The following MARK2 variants were observed in gnomAD, a reference collection of about 807,000 sequenced individuals.
The protein encoded by MARK2 is serine/threonine-protein kinase MARK2.
Under a neutral mutation model 89.8 loss-of-function variants are expected in MARK2, and 16 were observed. That is an observed-to-expected ratio of 0.18 (90% CI 0.12 to 0.27). The LOEUF is 0.27. Ranked by LOEUF, MARK2 falls within the 10% of genes least tolerant of loss-of-function variation. The pLI, the probability that MARK2 is intolerant of heterozygous loss-of-function variation, is 1.00. For missense variants in MARK2, 621 were observed against 1,049.9 expected, an observed-to-expected ratio of 0.59 and a Z score of 5.65; for synonymous variants, 382 against 399.5, an observed-to-expected ratio of 0.96 and a Z score of 0.52.
intron 1 of MARK2, among the ~76,000 whole-genome samples, chr11:63,876,964 A>G (rs574901844): frequency 2.8e-4 from 42 of 152,156 alleles, no homozygotes; most frequent in African/African-American, 9.9e-4. Context: ...CAGAAGTTAG[A>G]AAGCTCAAAG....
chr11:63,909,989 A>T lies in MARK2; in HGVS notation c.*752A>T, dbSNP rs971914079. ...CCCAGAGCTGGGCATTTCCTTCCAC[A>T]AGCTGCTGTGGGGACGTGTGTTCCC... is the stretch of plus-strand genomic sequence containing the variant. On this transcript the variant is annotated 3_prime_UTR_variant, in exon 19 of 19. Transcript: ENST00000402010. The T allele has an allele frequency of 6.6e-6, 1 of 152,262 alleles. No individual in the cohort carries two copies. The highest frequency in any genetic ancestry group is 2.4e-5 in the African/African-American group (1 of 41,386). The allele number at this position is 152,262 out of a possible 1,614,324, so 9.4% of individuals were successfully genotyped here. A position where few individuals can be genotyped will look rare whatever the true frequency, so the allele number is the denominator to read the frequency against.
At position 63,856,768 on chromosome 11, in the gene MARK2, GTTTTTTTTTTT is replaced by G. The variant is rs71039681; in HGVS notation, c.54+17235_54+17245del. On this transcript the variant is annotated intron_variant, in intron 1 of 18. Coordinates refer to ENST00000402010, the MANE Select transcript of MARK2 (RefSeq NM_001039469.3). ...TTTTTTCCATTTTTAAATTTTTCAT[GTTTTTTTTTTT>G]TTTTTTTTTTTTTTTTTTTTTTTTT... Among the ~76,000 whole-genome samples, 145 of 53,804 alleles carry G rather than the reference GTTTTTTTTTTT, an allele frequency of 2.7e-3. 2 individuals carry two copies. The highest frequency in any genetic ancestry group is 9.9e-3 in the African/African-American group (135 of 13,644). 35.3% of individuals were successfully genotyped at this position (53,804 alleles called of 152,430 possible). A position where few individuals can be genotyped will look rare whatever the true frequency, so the allele number is the denominator to read the frequency against.
chr11:63,898,576 C>G, intron 4 of MARK2, 32 bp from the exon 5 acceptor site: 1 of 1,576,956 alleles, frequency 6.3e-7, no homozygotes, highest in East Asian at 2.2e-5. Flanking sequence ...CCTGTTGCTT[C>G]TTGACTTAAG....
intron 1 of MARK2, among the ~76,000 whole-genome samples, chr11:63,871,225 TGA>T (rs1484923293): frequency 6.6e-6 from 1 of 152,224 alleles, no homozygotes; most frequent in Admixed American, 6.5e-5. Context: ...CCTTTTGAGA[TGA>T]GTGTTGGTGC....
At chr11:63,901,473 CTTTTTTTTTTT>C (rs35231498) in intron 11 of MARK2, among the ~76,000 whole-genome samples, 2 of 57,696 alleles carry the variant, frequency 3.5e-5, no homozygotes, top group African/African-American at 8.0e-5. Flanking sequence ...GAGTCTGTTG[CTTTTTTTTTTT>C]TTTTTTTTTT....
At chr11:63,905,960 T>A in intron 16 of MARK2, 128 bp from the exon 17 acceptor site, 1 of 666,818 alleles carries the variant, frequency 1.5e-6, no homozygotes, top group Non-Finnish European at 2.2e-6. Flanking sequence ...GCTGAGCGGC[T>A]CTTCCGAAAA....
chr11:63,852,087 C>T (rs1389256752), intron 1 of MARK2, among the ~76,000 whole-genome samples: 1 of 152,190 alleles, frequency 6.6e-6, no homozygotes, highest in Non-Finnish European at 1.5e-5. Flanking sequence ...CACTCTCATT[C>T]CCTCACCAGT....
chr11:63,877,259 C>G (rs1938822794), intron 1 of MARK2, among the ~76,000 whole-genome samples: 2 of 151,540 alleles, frequency 1.3e-5, no homozygotes, highest in African/African-American at 4.8e-5. Flanking sequence ...TACAGGTGCC[C>G]ACCACCACGC....
intron 1 of MARK2, among the ~76,000 whole-genome samples, chr11:63,851,973 A>G (rs1376788390): frequency 1.3e-5 from 2 of 152,178 alleles, no homozygotes; most frequent in Non-Finnish European, 2.9e-5. Context: ...ACACTGTAAT[A>G]TTGAATTTGG....
At chr11:63,843,472 G>A (rs1208477043) in intron 1 of MARK2, among the ~76,000 whole-genome samples, 3 of 152,044 alleles carry the variant, frequency 2.0e-5, no homozygotes, top group African/African-American at 4.8e-5. Flanking sequence ...GGCAGTGAGC[G>A]GCATTGTTTA....
chr11:63,840,598 G>A (rs1471123167), intron 1 of MARK2, among the ~76,000 whole-genome samples: 3 of 152,142 alleles, frequency 2.0e-5, no homozygotes, highest in Admixed American at 2.0e-4. Flanking sequence ...CTGGCACTTA[G>A]AGTATTTTCT....
At chr11:63,896,548 C>G (rs948790178) in intron 3 of MARK2, among the ~76,000 whole-genome samples, 1 of 152,156 alleles carries the variant, frequency 6.6e-6, no homozygotes, top group African/African-American at 2.4e-5. Context: ...CTAACAGAGT[C>G]AGATAGTGAT....
rs1394591561 is a variant in MARK2 at position 63,909,293 on chromosome 11, G to A, written c.*56G>A. On this transcript the variant is annotated 3_prime_UTR_variant, in exon 19 of 19. Coordinates refer to ENST00000402010, the MANE Select transcript of MARK2 (RefSeq NM_001039469.3). ...GGGCCAGCTGGACGGGCTGCCGGCC[G>A]CTGCGCCGCCCCACCTGGGCGAGAC... The A allele has an allele frequency of 2.0e-5, 30 of 1,478,164 alleles. No individual in the cohort carries two copies. The highest frequency in any genetic ancestry group is 4.2e-5 in the African/African-American group (3 of 70,920). The allele number at this position is 1,478,164 out of a possible 1,614,324, so 91.6% of individuals were successfully genotyped here. A position where few individuals can be genotyped will look rare whatever the true frequency, so the allele number is the denominator to read the frequency against.
chr11:63,863,348 A>G (rs1937922364), intron 1 of MARK2, among the ~76,000 whole-genome samples: 1 of 151,952 alleles, frequency 6.6e-6, no homozygotes, highest in South Asian at 2.1e-4. Context: ...ACTTGAGTGT[A>G]TGATTTAATT....
intron 4 of MARK2, 65 bp from the exon 5 acceptor site, chr11:63,898,543 A>G (rs1259055130): frequency 2.4e-5 from 30 of 1,243,700 alleles, no homozygotes; most frequent in South Asian, 2.2e-4. Context: ...GCTCCTGGAC[A>G]TGTTGGAGAG....
At chr11:63,895,533 T>G in intron 2 of MARK2, 47 bp from the exon 3 acceptor site, 9 of 1,574,970 alleles carry the variant, frequency 5.7e-6, no homozygotes, top group Non-Finnish European at 7.9e-6. Flanking sequence ...AATCCTGGGT[T>G]TCGCTGGTCA....
intron 1 of MARK2, among the ~76,000 whole-genome samples, chr11:63,891,267 GATA>G (rs1208165511): frequency 5.9e-5 from 9 of 152,028 alleles, no homozygotes; most frequent in African/African-American, 2.4e-5. Context: ...TGATGTTGAT[GATA>G]ATAATAAAGT....
chr11:63,842,719 T>A (rs2016082957), intron 1 of MARK2, among the ~76,000 whole-genome samples: 1 of 152,132 alleles, frequency 6.6e-6, no homozygotes, highest in Admixed American at 6.6e-5. Context: ...GGGGATTTAG[T>A]TGGGCTGATT....
intron 1 of MARK2, among the ~76,000 whole-genome samples, chr11:63,858,786 C>G (rs913450278): frequency 6.6e-6 from 1 of 152,186 alleles, no homozygotes; most frequent in African/African-American, 2.4e-5. Context: ...GACTGATAAT[C>G]CCTGTCCTCG....
Sources: allele counts gnomAD v4.1 joint callset (sites outside exome capture counted in the v4.1 genomes callset), GRCh38; gene constraint gnomAD v4.1.1; transcripts MANE v1.5; gene names NCBI Gene and HGNC (gene_info 2026-07-23, HGNC 2026-07-21).